Variants in ATAD2B observed in about 807,000 individuals in gnomAD.
ATAD2B encodes the protein ATPase family AAA domain containing 2B.
A neutral mutation model predicts 167.6 loss-of-function variants in ATAD2B; 40 were observed. The observed-to-expected ratio is 0.24, with a 90% CI of 0.19 to 0.31. ATAD2B has a LOEUF of 0.31. Among genes scored for constraint, ATAD2B ranks in the 10% least tolerant of loss-of-function variants. ATAD2B has a pLI of 1.00. For synonymous variants in ATAD2B, 579 were observed against 596.5 expected (o/e 0.97, Z 0.43); for missense variants, 1,242 against 1,757.2 (o/e 0.71, Z 5.24).
intron 13 of ATAD2B, among the ~76,000 whole-genome samples, chr2:23,849,069 AAAAAG>A (rs1282494336): frequency 5.9e-5 from 9 of 152,178 alleles, no homozygotes; most frequent in African/African-American, 1.7e-4. Flanking sequence ...AAAGAAACAG[AAAAAG>A]AAAACAGCAG....
chr2:23,843,620 C>G (rs1292155934), intron 13 of ATAD2B, among the ~76,000 whole-genome samples: 3 of 152,200 alleles, frequency 2.0e-5, no homozygotes, highest in Admixed American at 2.0e-4. Flanking sequence ...AAAAGTACCA[C>G]AGAGGAGACT....
the ATAD2B span, chr2:23,696,045 C>T: frequency 2.4e-5 from 38 of 1,551,650 alleles, no homozygotes; most frequent in Non-Finnish European, 3.3e-5. This position sits in a 1 kb window ranked among gnomAD's most constrained non-coding sequence, Gnocchi z 5.5. Flanking sequence ...ACCCGCAGAA[C>T]AACAAGTGGT....
At chr2:23,880,477 G>A (rs549942159) in intron 7 of ATAD2B, among the ~76,000 whole-genome samples, 162 bp downstream of exon 7, 46 of 151,842 alleles carry the variant, frequency 3.0e-4, no homozygotes, top group Admixed American at 2.7e-3. Context: ...GCAGGAGAAT[G>A]GCATAAACCC....
chr2:23,894,776 G>T (rs1176759590), intron 2 of ATAD2B, among the ~76,000 whole-genome samples: 1 of 152,146 alleles, frequency 6.6e-6, no homozygotes, highest in Non-Finnish European at 1.5e-5. Context: ...TCATCTCACA[G>T]ATGTATGGGT....
the ATAD2B span, among the ~76,000 whole-genome samples, chr2:23,704,537 C>T: frequency 1.3e-5 from 2 of 152,076 alleles, no homozygotes; most frequent in Non-Finnish European, 2.9e-5. Flanking sequence ...GAGGCCGAGG[C>T]GGATGGATCA....
chr2:23,754,859 C>A, intron 25 of ATAD2B, 85 bp from the exon 26 acceptor site: 1 of 1,345,532 alleles, frequency 7.4e-7, no homozygotes, highest in Non-Finnish European at 1.0e-6. Flanking sequence ...TTTTACCTAC[C>A]ACACAAATCC....
the ATAD2B span, chr2:23,691,608 C>T: frequency 7.3e-7 from 1 of 1,370,490 alleles, no homozygotes; most frequent in Admixed American, 2.0e-5. Context: ...GGAGATCTAG[C>T]CCTGTGAGGA....
At chr2:23,715,036 A>G in the ATAD2B span, among the ~76,000 whole-genome samples, 1 of 152,162 alleles carries the variant, frequency 6.6e-6, no homozygotes, top group African/African-American at 2.4e-5. Context: ...AAAAAATCCA[A>G]TAAACACACC....
chr2:23,908,046 G>A (rs112571034), intron 1 of ATAD2B, among the ~76,000 whole-genome samples: 28,202 of 151,624 alleles, frequency 0.19, 2,747 homozygotes, highest in Middle Eastern at 0.26. Flanking sequence ...CTAGAAGAAA[G>A]CCTAGGCATT....
downstream of ATAD2B, among the ~76,000 whole-genome samples, chr2:23,745,286 C>G (rs1260372509): frequency 6.6e-6 from 1 of 150,976 alleles, no homozygotes; most frequent in Non-Finnish European, 1.5e-5. Flanking sequence ...GACTCCACAG[C>G]AAGCAAGCAA....
chr2:23,745,455 GGAAGGAAA>G (rs1674825579), downstream of ATAD2B, among the ~76,000 whole-genome samples: 2 of 142,994 alleles, frequency 1.4e-5, no homozygotes, highest in Admixed American at 7.0e-5. Context: ...GGGAAGGGAA[GGAAGGAAA>G]GGAAGGAAGG....
At chr2:23,863,197 T>C (rs1412217431) in intron 12 of ATAD2B, among the ~76,000 whole-genome samples, 184 bp downstream of exon 12, 1 of 152,104 alleles carries the variant, frequency 6.6e-6, no homozygotes, top group Non-Finnish European at 1.5e-5. Flanking sequence ...TTCAGGCTAC[T>C]GGGGCAAGGA....
the ATAD2B span, among the ~76,000 whole-genome samples, chr2:23,727,820 A>G: frequency 6.6e-6 from 1 of 152,226 alleles, no homozygotes; most frequent in Admixed American, 6.5e-5. Flanking sequence ...TGAAAAGGCT[A>G]CATACTCTAT....
intron 14 of ATAD2B, among the ~76,000 whole-genome samples, chr2:23,831,234 C>G (rs1572947695): frequency 6.6e-6 from 1 of 151,758 alleles, no homozygotes; most frequent in East Asian, 1.9e-4. Context: ...AGTACACATA[C>G]AAATATATAT....
intron 22 of ATAD2B, among the ~76,000 whole-genome samples, chr2:23,771,478 G>A (rs1345355821): frequency 2.0e-5 from 3 of 152,188 alleles, no homozygotes; most frequent in South Asian, 2.1e-4. Flanking sequence ...GGGATAGGGG[G>A]AATAATTTTG....
chr2:23,886,977 T>A (rs1698765716), intron 4 of ATAD2B, among the ~76,000 whole-genome samples: 1 of 146,036 alleles, frequency 6.8e-6, no homozygotes, highest in Non-Finnish European at 1.5e-5. Context: ...GTCTTAGCAA[T>A]TTTTTTTAAG....
intron 13 of ATAD2B, among the ~76,000 whole-genome samples, chr2:23,834,587 CA>C (rs35619701): frequency 0.74 from 110,443 of 150,202 alleles, 40,760 homozygotes; most frequent in East Asian, 0.85. Flanking sequence ...CCTTGGCAAC[CA>C]AAAAAAAAAT....
chr2:23,795,060 A>C (rs1682388837), intron 19 of ATAD2B, among the ~76,000 whole-genome samples: 1 of 152,184 alleles, frequency 6.6e-6, no homozygotes, highest in African/African-American at 2.4e-5. Context: ...TCTATTTTAA[A>C]AATAGAGCAG....
chr2:23,809,269 T>C (rs1314992142), intron 18 of ATAD2B: 1 of 152,136 alleles, frequency 6.6e-6, no homozygotes, highest in African/African-American at 2.4e-5. Context: ...AGCAAAATAC[T>C]GGTAGATAGC....
Sources: gnomAD v4.1 joint callset for allele counts (sites outside exome capture counted in the v4.1 genomes callset) on GRCh38, gnomAD v4.1.1 for gene constraint, Gnocchi (gnomAD v3.1) non-coding constraint, MANE v1.5 for transcripts, NCBI Gene and HGNC (gene_info 2026-07-23, HGNC 2026-07-21) for gene names.